The following AUTS2 variants were observed in gnomAD, a reference collection of about 807,000 sequenced individuals.
AUTS2 encodes activator of transcription and developmental regulator AUTS2.
Under a neutral mutation model 112.4 loss-of-function variants are expected in AUTS2, and 17 were observed. That is an observed-to-expected ratio of 0.15 (90% CI 0.10 to 0.23). The LOEUF is 0.23. Ranked by LOEUF, AUTS2 falls within the 10% of genes least tolerant of loss-of-function variation. AUTS2 has a pLI of 1.00. For missense variants in AUTS2, 1,510 were observed against 1,701.6 expected, an observed-to-expected ratio of 0.89 and a Z score of 1.98; for synonymous variants, 751 against 702.7, an observed-to-expected ratio of 1.07 and a Z score of -1.09.
chr7:69,614,792 G>A lies in AUTS2; in HGVS notation c.309+14830G>A, dbSNP rs371434624. Among the ~76,000 whole-genome samples the A allele has an allele frequency of 5.3e-5, 8 of 152,012 alleles. No homozygotes were observed. In the East Asian group the frequency reaches 5.8e-4, roughly 11 times the overall value. Reference sequence around the variant, plus strand: ...AGCCACTGCGCCCATCTGAGTGTCCGTATGAAGAGAGGTGGCAGTTTCTTC... The same window carrying A: ...AGCCACTGCGCCCATCTGAGTGTCCATATGAAGAGAGGTGGCAGTTTCTTC... On this transcript the variant is annotated intron_variant, in intron 1 of 18. Transcript: ENST00000342771.
chr7:70,723,326 G>A (rs757555107), intron 6 of AUTS2, among the ~76,000 whole-genome samples: 5 of 152,136 alleles, frequency 3.3e-5, no homozygotes, highest in Non-Finnish European at 5.9e-5. Context: ...TAAGTTTCAT[G>A]GTTGTTCTGG....
intron 5 of AUTS2, among the ~76,000 whole-genome samples, chr7:70,514,915 T>C (rs755268199): frequency 2.0e-5 from 3 of 152,232 alleles, no homozygotes; most frequent in Non-Finnish European, 4.4e-5. Flanking sequence ...GAGCATCTTT[T>C]TACACATTTA....
intron 5 of AUTS2, among the ~76,000 whole-genome samples, chr7:70,442,323 A>G (rs541361673): frequency 4.6e-5 from 7 of 152,246 alleles, no homozygotes; most frequent in African/African-American, 1.7e-4. Context: ...TGCACCTCAT[A>G]CAGTCGCAAT....
chr7:69,961,444 C>G (rs1241369981), intron 2 of AUTS2, among the ~76,000 whole-genome samples: 1 of 152,214 alleles, frequency 6.6e-6, no homozygotes, highest in East Asian at 1.9e-4. Context: ...TCATAGTGTA[C>G]CTATTCTTAG....
At chr7:69,976,107 A>C (rs544982556) in intron 2 of AUTS2, among the ~76,000 whole-genome samples, 1 of 152,332 alleles carries the variant, frequency 6.6e-6, no homozygotes, top group African/African-American at 2.4e-5. Flanking sequence ...CATATCCAGA[A>C]GTTTTCCATC....
chr7:70,186,134 C>T (rs1015935379), intron 4 of AUTS2, among the ~76,000 whole-genome samples: 8 of 152,012 alleles, frequency 5.3e-5, no homozygotes, highest in African/African-American at 1.9e-4. Context: ...GTATGTTATT[C>T]ATGTAGCTAT....
intron 2 of AUTS2, among the ~76,000 whole-genome samples, chr7:69,954,427 A>G (rs1433159007): frequency 1.3e-5 from 2 of 152,098 alleles, no homozygotes; most frequent in Non-Finnish European, 2.9e-5. Context: ...GACTACAGGT[A>G]TATACCGCCA....
chr7:69,723,915 G>T (rs1156554993), intron 1 of AUTS2, among the ~76,000 whole-genome samples: 1 of 152,190 alleles, frequency 6.6e-6, no homozygotes, highest in Non-Finnish European at 1.5e-5. Context: ...AAGCAGCCAG[G>T]AATGTCTGGG....
At chr7:69,798,061 A>G (rs931147906) in intron 1 of AUTS2, among the ~76,000 whole-genome samples, 5 of 152,006 alleles carry the variant, frequency 3.3e-5, no homozygotes, top group Admixed American at 3.3e-4. Context: ...TCCTGAAGCT[A>G]TCAAAGCGTT....
At chr7:69,709,738 A>G (rs1470317198) in intron 1 of AUTS2, among the ~76,000 whole-genome samples, 2 of 152,192 alleles carry the variant, frequency 1.3e-5, no homozygotes, top group Admixed American at 6.5e-5. Context: ...TCCTTTAAAT[A>G]AAATAAACCG....
chr7:70,766,416 C>A lies in AUTS2; in HGVS notation c.1689+82C>A. The A allele has an allele frequency of 6.6e-7, 1 of 1,525,198 alleles. No individual in the cohort carries two copies. The highest frequency in any genetic ancestry group is 8.9e-7 in the Non-Finnish European group (1 of 1,119,818). The allele number at this position is 1,525,198 out of a possible 1,614,324, so 94.5% of individuals were successfully genotyped here. A position where few individuals can be genotyped will look rare whatever the true frequency, so the allele number is the denominator to read the frequency against. On this transcript the variant is annotated intron_variant, in intron 9 of 18. Transcript: ENST00000342771. The surrounding 1 kb of genome is among the most constrained non-coding windows in gnomAD (Gnocchi z 4.8). ...CAGCACGTGGGACCGGGCTGGGCAG[C>A]GGGGCCACCAGAGATCGAATGGGGA...
intron 4 of AUTS2, among the ~76,000 whole-genome samples, chr7:70,218,644 G>A (rs755624267): frequency 7.2e-5 from 11 of 152,074 alleles, no homozygotes; most frequent in Non-Finnish European, 1.2e-4. Flanking sequence ...ATTCAGACTG[G>A]TACTAATTAA....
chr7:70,742,941 G>A (rs1209921669), intron 6 of AUTS2, among the ~76,000 whole-genome samples: 2 of 152,194 alleles, frequency 1.3e-5, no homozygotes, highest in African/African-American at 2.4e-5. Context: ...GCGAAGTGGA[G>A]TGTTACATGC....
At chr7:70,419,135 C>T (rs181206979) in intron 4 of AUTS2, among the ~76,000 whole-genome samples, 4 of 152,156 alleles carry the variant, frequency 2.6e-5, no homozygotes, top group Admixed American at 2.0e-4. Flanking sequence ...TTGCACCAAC[C>T]TAATATGATT....
At chr7:70,117,127 GT>G (rs1491008028) in intron 2 of AUTS2, among the ~76,000 whole-genome samples, 3 of 62,786 alleles carry the variant, frequency 4.8e-5, no homozygotes, top group South Asian at 5.1e-4. Flanking sequence ...GTTTTTTTTT[GT>G]TTTTTTTTGT....
intron 1 of AUTS2, among the ~76,000 whole-genome samples, chr7:69,720,817 T>C (rs1798892767): frequency 1.3e-5 from 2 of 152,194 alleles, no homozygotes; most frequent in Non-Finnish European, 1.5e-5. Context: ...GGAGATTTAC[T>C]AGGATCTCTT....
intron 5 of AUTS2, among the ~76,000 whole-genome samples, chr7:70,620,452 G>A (rs964990435): frequency 6.6e-6 from 1 of 152,074 alleles, no homozygotes; most frequent in Non-Finnish European, 1.5e-5. Context: ...TGTGCAGTAG[G>A]CGCTCAGTCA....
rs1413505714 is a variant in AUTS2 at position 70,550,219 on chromosome 7, G to A, written c.690+114438G>A. On this transcript the variant is annotated intron_variant, in intron 5 of 18. Coordinates refer to ENST00000342771, the MANE Select transcript of AUTS2 (RefSeq NM_015570.4). Reference sequence around the variant, plus strand: ...GACTTGATAAGGTCTGAGGACATTGGCTGAGCAAGCCAAGACTCCAGTGAC... The same window carrying A: ...GACTTGATAAGGTCTGAGGACATTGACTGAGCAAGCCAAGACTCCAGTGAC... Among the ~76,000 whole-genome samples, 4 of 152,276 alleles carry A rather than the reference G, an allele frequency of 2.6e-5. 1 individual carries two copies. The highest frequency in any genetic ancestry group is 4.1e-4 in the South Asian group (2 of 4,822).
intron 4 of AUTS2, among the ~76,000 whole-genome samples, chr7:70,187,936 A>G (rs965592412): frequency 2.0e-5 from 3 of 152,186 alleles, no homozygotes; most frequent in African/African-American, 7.2e-5. Flanking sequence ...TGCCAGAATG[A>G]CTTACCCATT....
Sources: gnomAD v4.1 joint callset for allele counts (sites outside exome capture counted in the v4.1 genomes callset) on GRCh38, gnomAD v4.1.1 for gene constraint, Gnocchi (gnomAD v3.1) non-coding constraint, MANE v1.5 for transcripts, NCBI Gene and HGNC (gene_info 2026-07-23, HGNC 2026-07-21) for gene names.